Variants in SSUH2 observed in about 807,000 individuals in gnomAD.
SSUH2 encodes protein SSUH2 homolog.
In SSUH2, 47 loss-of-function variants were observed where a neutral mutation model predicts 55.3. The ratio of observed to expected loss-of-function variants is 0.85; its 90% confidence interval spans 0.67 to 1.08. SSUH2 has a LOEUF of 1.08. Among genes scored for constraint, SSUH2 ranks in the 50% least tolerant of loss-of-function variants. The probability of loss-of-function intolerance (pLI) is 0.00; values close to 1 mark genes in which losing one functional copy is unlikely to be tolerated. For missense variants in SSUH2, 535 were observed against 490.7 expected (o/e 1.09, Z -0.85); for synonymous variants, 212 against 191.5 (o/e 1.11, Z -0.89).
At chr3:8,637,296 A>G (rs543327112) in intron 1 of SSUH2, among the ~76,000 whole-genome samples, 2 of 152,330 alleles carry the variant, frequency 1.3e-5, no homozygotes, top group African/African-American at 2.4e-5. Context: ...CTATGAAAAA[A>G]TCATTCACTA....
chr3:8,631,967 G>T, intron 5 of SSUH2, 82 bp downstream of exon 5: 1 of 1,116,518 alleles, frequency 9.0e-7, no homozygotes, highest in Non-Finnish European at 1.4e-6. Context: ...TGAGATGAGT[G>T]CCTGAGCCAA....
At chr3:8,623,520 A>T in intron 11 of SSUH2, 29 bp downstream of exon 11, 1 of 1,342,044 alleles carries the variant, frequency 7.5e-7, no homozygotes, top group Non-Finnish European at 1.0e-6. Context: ...GAGACGTCAG[A>T]GCCAGATGGC....
At chr3:8,622,318 T>G (rs1161146447) in intron 11 of SSUH2, among the ~76,000 whole-genome samples, 1 of 152,198 alleles carries the variant, frequency 6.6e-6, no homozygotes, top group Non-Finnish European at 1.5e-5. Flanking sequence ...TTACCCTTCC[T>G]GGCTCCCGGA....
chr3:8,678,478 C>T (rs1357725953), intron 2 of SSUH2, among the ~76,000 whole-genome samples: 1 of 148,776 alleles, frequency 6.7e-6, no homozygotes, highest in Non-Finnish European at 1.5e-5. Context: ...CTCTTAGGAC[C>T]CCCATTGCAA....
chr3:8,675,547 CCTTA>C (rs1469144811), intron 3 of SSUH2, among the ~76,000 whole-genome samples: 1 of 152,096 alleles, frequency 6.6e-6, no homozygotes, highest in African/African-American at 2.4e-5. Context: ...ACAGCAGGTA[CCTTA>C]CTTGTGATTT....
chr3:8,635,622 G>T, intron 2 of SSUH2, 137 bp downstream of exon 2: 1 of 866,342 alleles, frequency 1.2e-6, no homozygotes, highest in Non-Finnish European at 1.7e-6. Context: ...CTTTCCACCT[G>T]CCCAAGATGA....
chr3:8,635,314 C>A lies in SSUH2; in HGVS notation c.195G>T (p.Ser65=), dbSNP rs923658638. Residue 65 remains serine, a synonymous_variant, in exon 3 of 12, where the codon TCG becomes TCT. Transcript: ENST00000544814. Reference sequence around the variant, plus strand: ...CTGAAACTCACCTGTGTTCCAGGAACGAGGGCCAGGACCTTTGCTCCTGGG... The same window carrying A: ...CTGAAACTCACCTGTGTTCCAGGAAAGAGGGCCAGGACCTTTGCTCCTGGG... ...GRPQEQRSWP[S]FLEHRVPAMT... 5 of 1,535,666 alleles carry A rather than the reference C, an allele frequency of 3.3e-6. No individual in the cohort carries two copies. Among genetic ancestry groups the A allele is most frequent in the Admixed American group, 2.0e-5 (1 of 50,962 alleles).
At chr3:8,663,692 A>C (rs1171032362) in intron 6 of SSUH2, 1 of 399,392 alleles carries the variant, frequency 2.5e-6, no homozygotes, top group African/African-American at 2.1e-5. Flanking sequence ...TAACTAACTC[A>C]GCCTCCCCCA....
intron 1 of SSUH2, among the ~76,000 whole-genome samples, chr3:8,638,049 C>T (rs769295680): frequency 1.7e-4 from 26 of 152,146 alleles, no homozygotes; most frequent in African/African-American, 2.7e-4. Flanking sequence ...TCACGTTTGG[C>T]CCATCCCTGA....
At chr3:8,669,873 C>CA (rs35850903) in intron 5 of SSUH2, among the ~76,000 whole-genome samples, 92,882 of 151,996 alleles carry the variant, frequency 0.61, 29,660 homozygotes, top group Admixed American at 0.69. Context: ...CGGAGGAGAA[C>CA]GGGGGACATG....
intron 5 of SSUH2, among the ~76,000 whole-genome samples, chr3:8,664,892 G>A (rs555661826): frequency 2.6e-5 from 4 of 152,314 alleles, no homozygotes; most frequent in African/African-American, 4.8e-5. Flanking sequence ...GGCATCTCCC[G>A]ATTCCTGCAA....
rs372390375 is a variant in SSUH2, at chr3:8,659,937, A to C, written c.-395-924T>G. 15 of 385,698 alleles carry C rather than the reference A, an allele frequency of 3.9e-5. 1 individual carries two copies. Among genetic ancestry groups the C allele is most frequent in the Admixed American group, 6.0e-5 (2 of 33,546 alleles). The allele number at this position is 385,698 out of a possible 1,614,324, so 23.9% of individuals were successfully genotyped here. ...GAGTTGGATCTTAAAGGGAGAATGG[A>C]GTTCATTAGGTGAAACTAGGAAACC... On this transcript the variant is annotated intron_variant, in intron 6 of 18. Coordinates refer to the SSUH2 transcript ENST00000317371.
intron 11 of SSUH2, among the ~76,000 whole-genome samples, chr3:8,621,564 A>G (rs1696438303): frequency 6.6e-6 from 1 of 152,164 alleles, no homozygotes; most frequent in Admixed American, 6.5e-5. Flanking sequence ...TCAGGGCACA[A>G]AATTTCCACA....
At chr3:8,642,606 G>A (rs1050074026) in intron 1 of SSUH2, among the ~76,000 whole-genome samples, 1 of 152,242 alleles carries the variant, frequency 6.6e-6, no homozygotes, top group Non-Finnish European at 1.5e-5. Flanking sequence ...ATTTGCACAT[G>A]GGTGCCACAT....
At position 8,630,859 on chromosome 3, in the gene SSUH2, C is replaced by G; in HGVS notation, c.471G>C (p.Pro157=). Residue 157 remains proline, a synonymous_variant, in exon 6 of 12, where the codon CCG becomes CCC. Coordinates refer to ENST00000544814, the MANE Select transcript of SSUH2 (RefSeq NM_001256748.3). The part of the protein sequence containing the change: ...RLWDIKVQGP[P]MFQEDTRKFQ... ...ACTTCCTGGTGTCTTCCTGAAACATCGGAGGACCTTGAACCTTGATGTCCC... is the reference window on the plus strand; with the variant it reads ...ACTTCCTGGTGTCTTCCTGAAACATGGGAGGACCTTGAACCTTGATGTCCC... 1.3e-6 allele frequency: 2 copies of G among 1,507,030 alleles called. No homozygotes were observed. The highest frequency in any genetic ancestry group is 1.8e-6 in the Non-Finnish European group (2 of 1,128,038). 93.4% of individuals were successfully genotyped at this position (1,507,030 alleles called of 1,614,324 possible). A position where few individuals can be genotyped will look rare whatever the true frequency, so the allele number is the denominator to read the frequency against.
intron 5 of SSUH2, chr3:8,670,855 C>G (rs916036443): frequency 3.1e-5 from 6 of 190,704 alleles, no homozygotes; most frequent in African/African-American, 1.4e-4. Flanking sequence ...AATAATATCC[C>G]AGGATGTAGA....
At chr3:8,658,940 A>G (rs1362695830) in exon 7 of SSUH2, 2 of 152,280 alleles carry the variant, frequency 1.3e-5, no homozygotes, top group Non-Finnish European at 2.9e-5. Flanking sequence ...ACAAAGCACT[A>G]TGATAGGCAT....
intron 1 of SSUH2, among the ~76,000 whole-genome samples, chr3:8,680,194 G>T (rs183772836): frequency 9.2e-5 from 14 of 152,282 alleles, no homozygotes; most frequent in East Asian, 3.9e-4. Context: ...TCTAAAGGAT[G>T]GCCCCCCGTT....
rs1384695959 is a variant in SSUH2, at chr3:8,620,025, A to G, written c.982-11T>C. 1.9e-6 allele frequency: 3 copies of G among 1,613,628 alleles called. 1 individual carries two copies. The South Asian group carries it at 3.3e-5, about 18-fold the overall frequency. On this transcript the variant is annotated splice_polypyrimidine_tract_variant and intron_variant, in intron 11 of 11. Coordinates refer to ENST00000544814, the MANE Select transcript of SSUH2 (RefSeq NM_001256748.3). ...CTCAATGGTCTGGCGCTGAGGAAAC[A>G]AATAGCCAAGGAAAATGTCAGTGTT...
Sources: gnomAD v4.1 joint callset for allele counts (sites outside exome capture counted in the v4.1 genomes callset) on GRCh38, gnomAD v4.1.1 for gene constraint, MANE v1.5 for transcripts, NCBI Gene and HGNC (gene_info 2026-07-23, HGNC 2026-07-21) for gene names.